Variants in SDK2 observed in about 807,000 individuals in gnomAD.
SDK2 encodes the protein protein sidekick-2.
In SDK2, 105 loss-of-function variants were observed where a neutral mutation model predicts 253.9. The observed-to-expected ratio is 0.41, with a 90% CI of 0.35 to 0.49. SDK2 has a LOEUF of 0.49. SDK2 is among the 20% of genes least tolerant of loss of function. SDK2 has a pLI of 0.06. For missense variants in SDK2, 2,608 were observed against 3,003.0 expected, an observed-to-expected ratio of 0.87 and a Z score of 3.07; for synonymous variants, 1,249 against 1,234.9, an observed-to-expected ratio of 1.01 and a Z score of -0.24.
chr17:73,425,713 G>A (rs1388017445), intron 12 of SDK2, among the ~76,000 whole-genome samples: 1 of 152,036 alleles, frequency 6.6e-6, no homozygotes, highest in Non-Finnish European at 1.5e-5. Context: ...CACCATGTTG[G>A]TCAGGCTGGT....
intron 12 of SDK2, among the ~76,000 whole-genome samples, chr17:73,429,208 G>A (rs548315412): frequency 3.9e-5 from 6 of 152,144 alleles, no homozygotes; most frequent in African/African-American, 7.2e-5. Flanking sequence ...GAATGGGCCC[G>A]AGATACACAG....
intron 4 of SDK2, among the ~76,000 whole-genome samples, chr17:73,452,679 T>C (rs11867629): frequency 0.84 from 128,247 of 152,182 alleles, 54,813 homozygotes; most frequent in Non-Finnish European, 0.9. Flanking sequence ...ACACCCCTCA[T>C]GCAGCCATGG....
At chr17:73,403,788 T>C (rs2063048452) in intron 18 of SDK2, among the ~76,000 whole-genome samples, 1 of 152,200 alleles carries the variant, frequency 6.6e-6, no homozygotes, top group Non-Finnish European at 1.5e-5. Flanking sequence ...TAAACAGAAA[T>C]ACTAAGTGGC....
At chr17:73,345,674 C>G (rs1429523809) in intron 44 of SDK2, among the ~76,000 whole-genome samples, 1 of 152,024 alleles carries the variant, frequency 6.6e-6, no homozygotes, top group Non-Finnish European at 1.5e-5. Flanking sequence ...GGGCAGATGT[C>G]AATAGGGAGA....
At chr17:73,521,606 G>A (rs1177949608) in intron 1 of SDK2, among the ~76,000 whole-genome samples, 6 of 152,084 alleles carry the variant, frequency 3.9e-5, no homozygotes, top group Non-Finnish European at 7.4e-5. Context: ...TCAGGCGCTG[G>A]GTCTCCTCTG....
chr17:73,635,038 T>A (rs1483229004), intron 1 of SDK2, among the ~76,000 whole-genome samples: 1 of 151,296 alleles, frequency 6.6e-6, no homozygotes, highest in Admixed American at 6.6e-5. Flanking sequence ...CAGGCTGGAG[T>A]GCAGTGGCGC....
chr17:73,564,574 C>T (rs2045283945), intron 1 of SDK2, among the ~76,000 whole-genome samples: 1 of 152,178 alleles, frequency 6.6e-6, no homozygotes, highest in South Asian at 2.1e-4. Context: ...CCTGTAATCC[C>T]AGCACTTTGG....
In SDK2 at chr17:73,511,896, C is replaced by T. The variant is rs185909715; in HGVS notation, c.65-4299G>A. On this transcript the variant is annotated intron_variant, in intron 1 of 44. Transcript: ENST00000392650. The surrounding 1 kb of genome is among the most constrained non-coding windows in gnomAD (Gnocchi z 4.9). ...ACGTGTGGACGTGTCTATGTGTGCA[C>T]GTGTTTATGTGTGCAGGTGTGTGTG... Among the ~76,000 whole-genome samples the T allele has an allele frequency of 3.9e-5, 6 of 152,112 alleles. No homozygotes were observed. Among genetic ancestry groups the T allele is most frequent in the South Asian group, 2.1e-4 (1 of 4,812 alleles).
At chr17:73,553,749 C>T (rs2145840872) in intron 1 of SDK2, among the ~76,000 whole-genome samples, 1 of 152,308 alleles carries the variant, frequency 6.6e-6, no homozygotes, top group South Asian at 2.1e-4. Flanking sequence ...GCCAGTCACC[C>T]CCTTCCTGAG....
At chr17:73,371,730 C>T (rs2062735711) in intron 36 of SDK2, among the ~76,000 whole-genome samples, 1 of 152,082 alleles carries the variant, frequency 6.6e-6, no homozygotes, top group Non-Finnish European at 1.5e-5. Flanking sequence ...AAGGCTGAGG[C>T]AGGTGGATCA....
At chr17:73,512,641 T>C (rs957422811) in intron 1 of SDK2, among the ~76,000 whole-genome samples, 2 of 151,818 alleles carry the variant, frequency 1.3e-5, no homozygotes, top group Non-Finnish European at 2.9e-5. Flanking sequence ...ACAACAACCA[T>C]GAAAGAATAG....
chr17:73,350,232 A>G lies in SDK2; in HGVS notation c.6038+5T>C, dbSNP rs200095133. On this transcript the variant is annotated splice_donor_5th_base_variant and intron_variant, in intron 43 of 44. Transcript: ENST00000392650. ...GGCCCCCAACCCACGCAGAGGGCCCAGTACCTGGTGTACAGGCCGTTCTTT... is the reference window on the plus strand; with the variant it reads ...GGCCCCCAACCCACGCAGAGGGCCCGGTACCTGGTGTACAGGCCGTTCTTT... 2,472 of 640,920 alleles carry G rather than the reference A, an allele frequency of 3.9e-3. 5 individuals carry two copies. The highest frequency in any genetic ancestry group is 6.1e-3 in the Admixed American group (92 of 15,034). The allele number at this position is 640,920 out of a possible 1,614,324, so 39.7% of individuals were successfully genotyped here.
intron 1 of SDK2, among the ~76,000 whole-genome samples, chr17:73,576,763 G>A (rs1047555292): frequency 2.0e-5 from 3 of 152,186 alleles, no homozygotes; most frequent in Non-Finnish European, 2.9e-5. Flanking sequence ...CCAAGCTATT[G>A]TTGACAGTGA....
At chr17:73,560,365 G>A (rs967171068) in intron 1 of SDK2, among the ~76,000 whole-genome samples, 1 of 152,110 alleles carries the variant, frequency 6.6e-6, no homozygotes, top group South Asian at 2.1e-4. Flanking sequence ...TTTTTGAGAC[G>A]GAGCCTTGCT....
intron 42 of SDK2, 68 bp downstream of exon 42, chr17:73,350,582 T>A (rs538168947): frequency 1.3e-6 from 2 of 1,546,190 alleles, no homozygotes; most frequent in African/African-American, 1.4e-5. Context: ...TGATCACCCC[T>A]GTTCTGGCCA....
intron 1 of SDK2, among the ~76,000 whole-genome samples, chr17:73,532,925 G>A (rs569038881): frequency 6.6e-6 from 1 of 152,324 alleles, no homozygotes; most frequent in African/African-American, 2.4e-5. Flanking sequence ...CCTCGGCACA[G>A]CGGTTTACCC....
chr17:73,469,983 C>T (rs898542412), intron 3 of SDK2, among the ~76,000 whole-genome samples: 3 of 94,636 alleles, frequency 3.2e-5, no homozygotes, highest in Admixed American at 1.1e-4. Flanking sequence ...TTTGCGACTG[C>T]GCGCGCGCGC....
intron 17 of SDK2, 37 bp from the exon 18 acceptor site, chr17:73,414,796 G>T (rs1568391162): frequency 4.6e-6 from 6 of 1,311,764 alleles, no homozygotes; most frequent in Non-Finnish European, 6.6e-6. Context: ...GGTGGAGGGG[G>T]CCCAGTCAGT....
At chr17:73,631,541 G>C (rs2046270692) in intron 1 of SDK2, among the ~76,000 whole-genome samples, 1 of 152,136 alleles carries the variant, frequency 6.6e-6, no homozygotes, top group African/African-American at 2.4e-5. Context: ...TGCCGGCCAG[G>C]AACCCCAGGG....
Sources: allele counts gnomAD v4.1 joint callset (sites outside exome capture counted in the v4.1 genomes callset), GRCh38; gene constraint gnomAD v4.1.1; non-coding constraint Gnocchi (gnomAD v3.1); transcripts MANE v1.5; gene names NCBI Gene and HGNC (gene_info 2026-07-23, HGNC 2026-07-21).